Variants in AUTS2 observed in about 807,000 individuals in gnomAD.
AUTS2 encodes the protein activator of transcription and developmental regulator AUTS2, also known as autism susceptibility gene 2 protein.
AUTS2 carries 17 observed loss-of-function variants against 112.4 expected under a neutral mutation model. The ratio of observed to expected loss-of-function variants is 0.15; its 90% CI spans 0.10 to 0.23. AUTS2 has a LOEUF of 0.23. Ranked by LOEUF, AUTS2 falls within the 10% of genes least tolerant of loss-of-function variation. The pLI is 1.00. For missense variants in AUTS2, 1,510 were observed against 1,701.6 expected (o/e 0.89, Z 1.98); for synonymous variants, 751 against 702.7 (o/e 1.07, Z -1.09).
intron 1 of AUTS2, among the ~76,000 whole-genome samples, chr7:69,764,947 T>C (rs1296429062): frequency 6.6e-6 from 1 of 152,008 alleles, no homozygotes; most frequent in East Asian, 1.9e-4. Flanking sequence ...AACACAACAG[T>C]CTTTCTCCCT....
chr7:70,335,715 A>G (rs990252032), intron 4 of AUTS2, among the ~76,000 whole-genome samples: 57 of 152,232 alleles, frequency 3.7e-4, no homozygotes, highest in Non-Finnish European at 1.0e-4. Flanking sequence ...AAAGATGCAT[A>G]TGATTAGTCA....
chr7:70,484,452 C>G (rs1797907086), intron 5 of AUTS2, among the ~76,000 whole-genome samples: 2 of 152,120 alleles, frequency 1.3e-5, no homozygotes, highest in Non-Finnish European at 2.9e-5. Context: ...GCAAAGCCAC[C>G]AGGGGAGTTC....
At chr7:70,393,976 T>C (rs1464079530) in intron 4 of AUTS2, among the ~76,000 whole-genome samples, 1 of 152,242 alleles carries the variant, frequency 6.6e-6, no homozygotes, top group Non-Finnish European at 1.5e-5. Context: ...GTTGGGAACC[T>C]GCTCTATTCA....
At chr7:70,383,264 G>A (rs1367021583) in intron 4 of AUTS2, among the ~76,000 whole-genome samples, 1 of 152,068 alleles carries the variant, frequency 6.6e-6, no homozygotes, top group Admixed American at 6.5e-5. Context: ...CAAGTGAGCA[G>A]TCTGTCATGG....
At chr7:70,668,195 T>C (rs1303749646) in intron 5 of AUTS2, among the ~76,000 whole-genome samples, 1 of 152,212 alleles carries the variant, frequency 6.6e-6, no homozygotes, top group Non-Finnish European at 1.5e-5. Context: ...GCTAGGCTGG[T>C]CTTGAACTCC....
chr7:70,104,057 C>G (rs906203703), intron 2 of AUTS2, among the ~76,000 whole-genome samples: 2 of 151,772 alleles, frequency 1.3e-5, no homozygotes, highest in Non-Finnish European at 2.9e-5. Flanking sequence ...GATGTGCCCA[C>G]TTGTCCTTTA....
chr7:70,784,769 A>C (rs980173254), intron 15 of AUTS2, 173 bp from the exon 16 acceptor site: 4 of 194,040 alleles, frequency 2.1e-5, no homozygotes, highest in East Asian at 3.3e-4. Context: ...AAAAAAAAAA[A>C]AAAACACACA....
intron 1 of AUTS2, among the ~76,000 whole-genome samples, chr7:69,754,949 G>A (rs1030869973): frequency 1.4e-4 from 22 of 152,300 alleles, no homozygotes; most frequent in African/African-American, 4.3e-4. Flanking sequence ...TCAGGACACA[G>A]CCTCATGTAG....
rs138544953 is a variant in AUTS2 at position 69,765,845 on chromosome 7, G to A, written c.310-133441G>A. Among the ~76,000 whole-genome samples the A allele has an allele frequency of 4.9e-4, 74 of 152,232 alleles. 1 individual carries two copies. Among genetic ancestry groups the A allele is most frequent in the African/African-American group, 1.6e-3 (66 of 41,556 alleles). ...GCCTGTAGTCCCAGGTACTTTCGGG[G>A]CTGAGGCAGGAGGATCGCTTGAGCC... On this transcript the variant is annotated intron_variant, in intron 1 of 18. Transcript: ENST00000342771.
chr7:70,558,649 C>T (rs1394461052), intron 5 of AUTS2, among the ~76,000 whole-genome samples: 2 of 152,210 alleles, frequency 1.3e-5, no homozygotes, highest in African/African-American at 4.8e-5. Flanking sequence ...AAATATGCTA[C>T]TGTAGAACAA....
intron 1 of AUTS2, among the ~76,000 whole-genome samples, chr7:69,653,231 G>A (rs1470058899): frequency 6.6e-6 from 1 of 152,190 alleles, no homozygotes; most frequent in East Asian, 1.9e-4. Flanking sequence ...CAAGAAGTGA[G>A]TTAGGTTCCT....
At chr7:70,718,955 A>G (rs1810522843) in intron 6 of AUTS2, among the ~76,000 whole-genome samples, 1 of 151,828 alleles carries the variant, frequency 6.6e-6, no homozygotes, top group Non-Finnish European at 1.5e-5. Flanking sequence ...AAACCAGGGC[A>G]TATAATCACC....
chr7:70,598,074 A>T (rs927411293), intron 5 of AUTS2, among the ~76,000 whole-genome samples: 2 of 152,170 alleles, frequency 1.3e-5, no homozygotes, highest in African/African-American at 4.8e-5. Context: ...CCGCTTGGTT[A>T]ATGAGAAAAA....
chr7:69,765,021 A>G (rs1238192951), intron 1 of AUTS2, among the ~76,000 whole-genome samples: 1 of 152,232 alleles, frequency 6.6e-6, no homozygotes, highest in African/African-American at 2.4e-5. Context: ...AGAATTTTCC[A>G]GCAGAATGAG....
intron 5 of AUTS2, among the ~76,000 whole-genome samples, chr7:70,655,531 T>C (rs10234482): frequency 0.62 from 95,014 of 152,076 alleles, 30,002 homozygotes; most frequent in Middle Eastern, 0.78. Context: ...TGTGGCACCG[T>C]GCTTTACGGT....
intron 1 of AUTS2, among the ~76,000 whole-genome samples, chr7:69,623,381 A>AT (rs56204810): frequency 0.058 from 4,201 of 71,814 alleles, 307 homozygotes; most frequent in Middle Eastern, 0.13. Flanking sequence ...ACGCCCAGCA[A>AT]TTTTTTTTTT....
intron 4 of AUTS2, among the ~76,000 whole-genome samples, chr7:70,266,965 G>A (rs1464360020): frequency 1.3e-5 from 2 of 152,222 alleles, no homozygotes; most frequent in Non-Finnish European, 2.9e-5. Flanking sequence ...CTGAAAATGG[G>A]TGTGTTTCTT....
At chr7:70,341,474 T>C (rs1033859150) in intron 4 of AUTS2, among the ~76,000 whole-genome samples, 2 of 152,232 alleles carry the variant, frequency 1.3e-5, no homozygotes, top group African/African-American at 4.8e-5. Flanking sequence ...TTGCCTTAGT[T>C]GTTTAATGCC....
At chr7:70,244,060 T>C (rs1228468854) in intron 4 of AUTS2, among the ~76,000 whole-genome samples, 1 of 152,114 alleles carries the variant, frequency 6.6e-6, no homozygotes, top group Non-Finnish European at 1.5e-5. Flanking sequence ...CTGTGTGAGT[T>C]ATTTTTTATA....
Sources: allele counts gnomAD v4.1 joint callset (sites outside exome capture counted in the v4.1 genomes callset), GRCh38; gene constraint gnomAD v4.1.1; transcripts MANE v1.5; gene names NCBI Gene and HGNC (gene_info 2026-07-23, HGNC 2026-07-21).